CDH18: variants seen among roughly 807,000 people sequenced by gnomAD.
The protein encoded by CDH18 is cadherin-18.
A neutral mutation model predicts 67.9 loss-of-function variants in CDH18; 31 were observed. That is an observed-to-expected ratio of 0.46 (90% CI 0.34 to 0.62). The LOEUF is 0.62. Among genes scored for constraint, CDH18 ranks in the 20% least tolerant of loss-of-function variants. The pLI is 0.01. For missense variants in CDH18, 890 were observed against 975.5 expected, an observed-to-expected ratio of 0.91 and a Z score of 1.17; for synonymous variants, 362 against 347.2, an observed-to-expected ratio of 1.04 and a Z score of -0.48.
At chr5:20,090,404 G>A (rs556274485) in intron 2 of CDH18, among the ~76,000 whole-genome samples, 1 of 152,066 alleles carries the variant, frequency 6.6e-6, no homozygotes, top group African/African-American at 2.4e-5. Flanking sequence ...GCATGGTGGT[G>A]GGTGTCTGTA....
intron 2 of CDH18, among the ~76,000 whole-genome samples, chr5:19,894,856 T>C (rs1164933603): frequency 2.6e-5 from 4 of 152,160 alleles, no homozygotes; most frequent in African/African-American, 9.7e-5. Context: ...AAGAATTTCT[T>C]AGGGTCTCAA....
intron 2 of CDH18, among the ~76,000 whole-genome samples, chr5:19,980,773 G>A (rs10805661): frequency 8.6e-5 from 13 of 152,002 alleles, no homozygotes; most frequent in African/African-American, 3.1e-4. Flanking sequence ...TCCCTGCAAC[G>A]CTACAGTTGC....
Position 20,058,729 on chromosome 5 carries a change from T to A in CDH18, c.-517-66715A>T, listed in dbSNP as rs1428482004. 3.3e-5 allele frequency among the ~76,000 whole-genome samples: 5 copies of A among 152,220 alleles called. No homozygotes were observed. In the South Asian group the frequency reaches 1.0e-3, roughly 31 times the overall value. The stretch of plus-strand genomic sequence containing the variant: ...CTTAGAGAAGTAAATAATTGTGATG[T>A]GAATTTGTTTGTCTCATTAGCTTTT... On this transcript the variant is annotated intron_variant, in intron 2 of 14. Transcript: ENST00000507958.
chr5:20,455,210 A>T (rs1750756952), intron 1 of CDH18, among the ~76,000 whole-genome samples: 1 of 152,100 alleles, frequency 6.6e-6, no homozygotes, highest in Non-Finnish European at 1.5e-5. Flanking sequence ...TTGGAGTAAC[A>T]TAAGGGGGCT....
chr5:20,475,022 T>A (rs958148354), intron 1 of CDH18, among the ~76,000 whole-genome samples: 3 of 146,358 alleles, frequency 2.0e-5, no homozygotes, highest in Non-Finnish European at 4.7e-5. Context: ...TTTCTTGTAT[T>A]TGATTATATG....
chr5:20,506,303 G>A (rs1355121084), intron 1 of CDH18, among the ~76,000 whole-genome samples: 1 of 152,192 alleles, frequency 6.6e-6, no homozygotes, highest in Admixed American at 6.5e-5. Context: ...GGTGCATGAT[G>A]CACTCATGTG....
chr5:20,426,794 G>A (rs191664036), intron 1 of CDH18, among the ~76,000 whole-genome samples: 3 of 151,212 alleles, frequency 2.0e-5, no homozygotes, highest in East Asian at 3.9e-4. Context: ...AACTTTTAAT[G>A]ATATGCACCC....
chr5:19,627,624 T>A lies in CDH18; in HGVS notation c.644-15023A>T, dbSNP rs184727143. Reference sequence around the variant, plus strand: ...CTATAATTGCTTGTAAATTGTGTGCTACATATCTTTTATATCTGTAAAATT... The same window carrying A: ...CTATAATTGCTTGTAAATTGTGTGCAACATATCTTTTATATCTGTAAAATT... On this transcript the variant is annotated intron_variant, in intron 5 of 12. Transcript: ENST00000382275. Among the ~76,000 whole-genome samples the A allele has an allele frequency of 5.9e-5, 9 of 152,364 alleles. No homozygotes were observed. In the East Asian group the frequency reaches 1.5e-3, roughly 26 times the overall value.
At chr5:20,394,387 A>C (rs962111824) in intron 1 of CDH18, among the ~76,000 whole-genome samples, 3 of 152,104 alleles carry the variant, frequency 2.0e-5, no homozygotes, top group Admixed American at 6.6e-5. Flanking sequence ...CAGAGGAATA[A>C]ATTTTGTGTA....
At chr5:20,426,302 C>T (rs184079450) in intron 1 of CDH18, among the ~76,000 whole-genome samples, 1 of 150,994 alleles carries the variant, frequency 6.6e-6, no homozygotes, top group East Asian at 1.9e-4. Context: ...AATTATTAGC[C>T]AAATTCTTAT....
intron 1 of CDH18, among the ~76,000 whole-genome samples, chr5:20,265,599 A>G (rs1289672898): frequency 6.6e-6 from 1 of 152,114 alleles, no homozygotes. Context: ...AAAAAATTAC[A>G]TTTATTTTCA....
intron 4 of CDH18, among the ~76,000 whole-genome samples, chr5:19,724,858 G>C (rs1766600214): frequency 6.6e-6 from 1 of 151,580 alleles, no homozygotes. Context: ...AAACTGTCCT[G>C]AGCTGGTCAC....
intron 2 of CDH18, among the ~76,000 whole-genome samples, chr5:19,895,168 T>C (rs900355679): frequency 1.8e-4 from 28 of 152,122 alleles, no homozygotes; most frequent in Admixed American, 3.9e-4. Context: ...GAAGTTTTTA[T>C]TATAGTGTCA....
chr5:20,453,579 G>A lies in CDH18; in HGVS notation c.-580+121883C>T, dbSNP rs1054378503. On this transcript the variant is annotated intron_variant, in intron 1 of 14. Coordinates refer to the CDH18 transcript ENST00000507958. Reference sequence around the variant, plus strand: ...TGTGTGTGTGTATATATATATGTGTGTGTGTGTGTGTGTATATGTATATAT... The same window carrying A: ...TGTGTGTGTGTATATATATATGTGTATGTGTGTGTGTGTATATGTATATAT... Among the ~76,000 whole-genome samples, 18 of 149,934 alleles carry A rather than the reference G, an allele frequency of 1.2e-4. No individual in the cohort carries two copies. In the South Asian group the frequency reaches 3.8e-3, roughly 31 times the overall value.
intron 10 of CDH18, among the ~76,000 whole-genome samples, chr5:19,503,318 C>T (rs1020141163): frequency 6.6e-6 from 1 of 152,100 alleles, no homozygotes; most frequent in Non-Finnish European, 1.5e-5. Flanking sequence ...AATTTCTAAA[C>T]ATTCATCACA....
chr5:19,556,806 C>A (rs1481612109), intron 8 of CDH18, among the ~76,000 whole-genome samples: 1 of 152,058 alleles, frequency 6.6e-6, no homozygotes, highest in Non-Finnish European at 1.5e-5. Context: ...AAAAGATAAT[C>A]TCCTAGGCAC....
intron 1 of CDH18, among the ~76,000 whole-genome samples, chr5:20,378,313 A>G (rs1743633170): frequency 6.6e-6 from 1 of 152,054 alleles, no homozygotes; most frequent in Non-Finnish European, 1.5e-5. Context: ...CTGGGACTAC[A>G]GGCACCCACC....
At chr5:20,203,908 T>G (rs1739664279) in intron 2 of CDH18, among the ~76,000 whole-genome samples, 1 of 151,510 alleles carries the variant, frequency 6.6e-6, no homozygotes, top group Middle Eastern at 3.4e-3. Flanking sequence ...GCAGAGCAAA[T>G]AATCAGTGAG....
At chr5:20,331,560 C>G (rs1739190908) in intron 1 of CDH18, 1 of 152,086 alleles carries the variant, frequency 6.6e-6, no homozygotes, top group Non-Finnish European at 1.5e-5. Flanking sequence ...TTTTCTTCAC[C>G]TTGTAGCTTA....
Sources: allele counts gnomAD v4.1 joint callset (sites outside exome capture counted in the v4.1 genomes callset), GRCh38; gene constraint gnomAD v4.1.1; transcripts MANE v1.5; gene names NCBI Gene and HGNC (gene_info 2026-07-23, HGNC 2026-07-21).